ANO1: variants seen among roughly 807,000 people sequenced by gnomAD.
ANO1 encodes anoctamin-1.
ANO1 carries 59 observed loss-of-function variants against 124.0 expected under a neutral mutation model. The ratio of observed to expected loss-of-function variants is 0.48; its 90% CI spans 0.39 to 0.59. The LOEUF is 0.59. ANO1 is among the 20% of genes least tolerant of loss of function. The pLI is 0.00. For missense variants in ANO1, 1,059 were observed against 1,328.0 expected, an observed-to-expected ratio of 0.80 and a Z score of 3.15; for synonymous variants, 529 against 532.0, an observed-to-expected ratio of 0.99 and a Z score of 0.08.
intron 17 of ANO1, 70 bp downstream of exon 17, chr11:70,161,432 A>C: frequency 6.5e-7 from 1 of 1,541,208 alleles, no homozygotes; most frequent in South Asian, 1.1e-5. Context: ...CTTGCTGTGC[A>C]TCCTTGAGTT....
At chr11:69,980,112 A>G in the ANO1 span, among the ~76,000 whole-genome samples, 2 of 152,332 alleles carry the variant, frequency 1.3e-5, no homozygotes, top group Non-Finnish European at 2.9e-5. Flanking sequence ...AAATTTTGTC[A>G]CAGGCTACAA....
intron 1 of ANO1, among the ~76,000 whole-genome samples, chr11:70,024,775 A>G (rs1555002996): frequency 1.3e-5 from 2 of 152,210 alleles, no homozygotes; most frequent in African/African-American, 4.8e-5. Flanking sequence ...GCCTGGACAG[A>G]CATAGGCGGA....
At chr11:70,086,779 G>T (rs138115167) in intron 1 of ANO1, among the ~76,000 whole-genome samples, 44 of 152,192 alleles carry the variant, frequency 2.9e-4, no homozygotes, top group Admixed American at 2.9e-3. Context: ...AGCGGTGGCC[G>T]CTCCTTAACC....
chr11:70,138,668 C>T (rs1012097414), intron 11 of ANO1, among the ~76,000 whole-genome samples: 1 of 152,178 alleles, frequency 6.6e-6, no homozygotes, highest in African/African-American at 2.4e-5. Flanking sequence ...CAAACTAGGG[C>T]AACCTTCCCA....
chr11:70,108,327 C>A, intron 5 of ANO1, 26 bp from the exon 6 acceptor site: 1 of 1,601,608 alleles, frequency 6.2e-7, no homozygotes, highest in Non-Finnish European at 8.5e-7. Flanking sequence ...AGTAACTGCT[C>A]ACCCCCCTTC....
the ANO1 span, among the ~76,000 whole-genome samples, chr11:69,969,137 C>T: frequency 7.2e-5 from 11 of 152,158 alleles, no homozygotes; most frequent in South Asian, 2.1e-4. Flanking sequence ...TAGACAGCCA[C>T]GGGACTGCAA....
Position 70,101,600 on chromosome 11 carries a change from A to G in ANO1, c.442-1466A>G, listed in dbSNP as rs934301519. ...GATTAAAAACCAAAAAAAAAAAAAAAAAAAAAACTCATCCCCAAGTGACTT... is the reference window on the plus strand; with the variant it reads ...GATTAAAAACCAAAAAAAAAAAAAAGAAAAAAACTCATCCCCAAGTGACTT... On this transcript the variant is annotated intron_variant, in intron 2 of 25. Coordinates refer to ENST00000355303, the MANE Select transcript of ANO1 (RefSeq NM_018043.7). 2.0e-4 allele frequency among the ~76,000 whole-genome samples: 30 copies of G among 150,320 alleles called. 1 individual carries two copies. Among genetic ancestry groups the G allele is most frequent in the African/African-American group, 7.1e-4 (29 of 40,916 alleles).
At chr11:70,125,003 C>T (rs746778617) in intron 9 of ANO1, among the ~76,000 whole-genome samples, 27 of 152,236 alleles carry the variant, frequency 1.8e-4, no homozygotes, top group Non-Finnish European at 3.1e-4. Context: ...CAGCCATCAG[C>T]ATGGGCCATC....
rs1264258435 is a variant in ANO1, at chr11:70,161,299, C to T, written c.1717C>T (p.Leu573=). The part of the protein sequence containing the change: ...TVTATAVIIN[L]VVIILLDEVY... ...CACAGCCACCGCAGTCATCATCAAC[C>T]TAGTGGTCATCATCCTCCTGGACGA... The change falls in exon 17 of 26, where the codon CTA becomes TTA. Residue 573 remains leucine, a synonymous_variant. Coordinates refer to ENST00000355303, the MANE Select transcript of ANO1 (RefSeq NM_018043.7). The T allele has an allele frequency of 5.6e-6, 9 of 1,613,896 alleles. No individual in the cohort carries two copies. Among genetic ancestry groups the T allele is most frequent in the Non-Finnish European group, 7.6e-6 (9 of 1,179,796 alleles).
chr11:70,125,957 G>A (rs2046494511), intron 9 of ANO1, 104 bp from the exon 10 acceptor site: 1 of 1,411,176 alleles, frequency 7.1e-7, no homozygotes, highest in Admixed American at 2.2e-5. Flanking sequence ...GAGGGAACCA[G>A]TGCCCCTGGT....
intron 21 of ANO1, among the ~76,000 whole-genome samples, chr11:70,167,714 G>A (rs570478464): frequency 6.1e-5 from 9 of 146,434 alleles, no homozygotes; most frequent in South Asian, 4.2e-4. Flanking sequence ...CCCCAGGCAC[G>A]GTCCCCAGGC....
chr11:70,133,264 T>C (rs2046831692), intron 11 of ANO1, among the ~76,000 whole-genome samples: 1 of 152,206 alleles, frequency 6.6e-6, no homozygotes, highest in African/African-American at 2.4e-5. Context: ...GCCAGCGTGC[T>C]GATCCTGAAG....
upstream of ANO1, among the ~76,000 whole-genome samples, chr11:69,981,385 G>A (rs553881740): frequency 7.2e-5 from 11 of 152,322 alleles, no homozygotes; most frequent in Middle Eastern, 0.014. Flanking sequence ...GCACGGATTC[G>A]ATGAGCCGAT....
intron 1 of ANO1, among the ~76,000 whole-genome samples, chr11:70,085,961 G>A (rs2044360151): frequency 6.6e-6 from 1 of 152,238 alleles, no homozygotes; most frequent in East Asian, 1.9e-4. Flanking sequence ...ACCACGTGGG[G>A]GGACCCTCCA....
intron 1 of ANO1, among the ~76,000 whole-genome samples, chr11:70,087,160 G>A (rs1245555473): frequency 6.6e-6 from 1 of 152,146 alleles, no homozygotes; most frequent in Non-Finnish European, 1.5e-5. Flanking sequence ...TACATAGTGG[G>A]TGTATATATT....
intron 2 of ANO1, among the ~76,000 whole-genome samples, chr11:70,092,991 C>T (rs1472669954): frequency 1.3e-5 from 2 of 151,562 alleles, no homozygotes; most frequent in Non-Finnish European, 2.9e-5. Context: ...CCTTCTCTCT[C>T]TCCCTCCTTC....
rs868940906 is a variant in ANO1, at chr11:69,998,690, T to C, written c.58+12524T>C. Among the ~76,000 whole-genome samples the C allele has an allele frequency of 3.9e-5, 6 of 152,306 alleles. No individual in the cohort carries two copies. The South Asian group carries it at 1.0e-3, about 26-fold the overall frequency. ...CTGGCCAGGCGCAGTGGCTCACACC[T>C]GCAATCTCAGCACTTGGGTGGCTGA... On this transcript the variant is annotated intron_variant, in intron 1 of 27. Transcript: ENST00000531349.
At chr11:70,150,945 G>A (rs548851479) in intron 12 of ANO1, among the ~76,000 whole-genome samples, 7 of 152,202 alleles carry the variant, frequency 4.6e-5, no homozygotes, top group African/African-American at 1.7e-4. Flanking sequence ...TCAGCCAAAT[G>A]TGCCAGCTTT....
chr11:70,065,995 T>C (rs1857708010), intron 1 of ANO1, among the ~76,000 whole-genome samples: 1 of 152,238 alleles, frequency 6.6e-6, no homozygotes, highest in Admixed American at 6.5e-5. Context: ...TGTGTATGCA[T>C]CGGTTTGCCT....
Sources: allele counts gnomAD v4.1 joint callset (sites outside exome capture counted in the v4.1 genomes callset), GRCh38; gene constraint gnomAD v4.1.1; transcripts MANE v1.5; gene names NCBI Gene and HGNC (gene_info 2026-07-23, HGNC 2026-07-21).